The following EVL variants were observed in gnomAD, a reference collection of about 807,000 sequenced individuals.
EVL encodes ena/VASP-like protein.
EVL carries 21 observed loss-of-function variants against 59.6 expected under a neutral mutation model. The ratio of observed to expected loss-of-function variants is 0.35; its 90% confidence interval spans 0.25 to 0.51. EVL has a LOEUF of 0.51. Ranked by LOEUF, EVL falls within the 20% of genes least tolerant of loss-of-function variation. EVL has a pLI of 0.97. For synonymous variants in EVL, 198 were observed against 203.5 expected (o/e 0.97, Z 0.23); for missense variants, 462 against 546.6 (o/e 0.85, Z 1.54).
chr14:100,018,202 C>T (rs970634119), intron 1 of EVL, among the ~76,000 whole-genome samples: 1 of 152,218 alleles, frequency 6.6e-6, no homozygotes, highest in African/African-American at 2.4e-5. Context: ...GAGAGCAGTG[C>T]GCTGCCCTGT....
At chr14:99,982,106 G>C (rs1191019) in intron 1 of EVL, among the ~76,000 whole-genome samples, 25,545 of 152,110 alleles carry the variant, frequency 0.17, 2,864 homozygotes, top group African/African-American at 0.31. Context: ...AGACAATACA[G>C]ATAAGCATTG....
rs1888316047 is a variant in EVL, at chr14:100,129,770, T to C, written c.839+86T>C. ...CAGCGCTGCACAGAGAATCCTCTCT[T>C]GACCCCAGAATCTTTGTTCCCTGGG... On this transcript the variant is annotated intron_variant, in intron 7 of 13. Transcript: ENST00000392920. 4 of 1,430,828 alleles carry C rather than the reference T, an allele frequency of 2.8e-6. No individual in the cohort carries two copies. In the Admixed American group the frequency reaches 1.2e-4, roughly 42 times the overall value. 88.6% of individuals were successfully genotyped at this position (1,430,828 alleles called of 1,614,324 possible).
At chr14:99,990,100 CAG>C (rs952574539) in intron 1 of EVL, among the ~76,000 whole-genome samples, 10 of 152,312 alleles carry the variant, frequency 6.6e-5, no homozygotes, top group African/African-American at 2.4e-4. Context: ...ATAACATGGT[CAG>C]AGTCATCCAT....
intron 1 of EVL, among the ~76,000 whole-genome samples, chr14:100,001,333 A>G (rs1430625133): frequency 6.6e-6 from 1 of 152,230 alleles, no homozygotes; most frequent in Non-Finnish European, 1.5e-5. Flanking sequence ...GCCAGGAAAA[A>G]TTAGAATTCA....
intron 1 of EVL, chr14:100,019,516 C>CT (rs1214609657): frequency 3.2e-6 from 2 of 630,240 alleles, no homozygotes; most frequent in African/African-American, 3.8e-5. Flanking sequence ...AGGCCCCTGT[C>CT]TGCAGAAAGC....
intron 1 of EVL, among the ~76,000 whole-genome samples, chr14:100,076,237 T>C (rs1423414530): frequency 6.6e-6 from 1 of 152,242 alleles, no homozygotes; most frequent in Non-Finnish European, 1.5e-5. Flanking sequence ...GGTTGGGCTA[T>C]GTGATCAGAC....
chr14:100,017,199 AT>A (rs768989285), intron 1 of EVL, among the ~76,000 whole-genome samples: 9 of 152,118 alleles, frequency 5.9e-5, no homozygotes, highest in Non-Finnish European at 1.0e-4. Flanking sequence ...TGGTGCTGGG[AT>A]TTGATTTTTC....
intron 1 of EVL, among the ~76,000 whole-genome samples, chr14:100,070,482 C>T (rs1217865246): frequency 2.0e-5 from 3 of 152,186 alleles, no homozygotes; most frequent in Non-Finnish European, 4.4e-5. Context: ...GTTAATACCA[C>T]AAGAGACAAA....
intron 1 of EVL, among the ~76,000 whole-genome samples, chr14:99,986,724 CA>C (rs1483197520): frequency 2.0e-5 from 3 of 152,188 alleles, no homozygotes; most frequent in Non-Finnish European, 4.4e-5. Flanking sequence ...TAAGTACGTG[CA>C]ATTCAGCATG....
At chr14:100,010,611 G>T (rs200386559) in intron 1 of EVL, among the ~76,000 whole-genome samples, 1 of 152,110 alleles carries the variant, frequency 6.6e-6, no homozygotes, top group Non-Finnish European at 1.5e-5. Context: ...TGGCCAGGCT[G>T]GTCTCAAACT....
At chr14:100,039,480 AC>A (rs756973493) in intron 1 of EVL, among the ~76,000 whole-genome samples, 20 of 152,094 alleles carry the variant, frequency 1.3e-4, no homozygotes, top group Non-Finnish European at 1.8e-4. Context: ...CAAGTGATCC[AC>A]CCACCTCAGC....
intron 9 of EVL, 173 bp from the exon 10 acceptor site, chr14:100,137,404 TG>T: frequency 1.6e-6 from 1 of 642,768 alleles, no homozygotes. Context: ...ACCTAGGCCA[TG>T]GGGGACTGAG....
At chr14:100,050,910 T>C (rs1455250465) in intron 1 of EVL, among the ~76,000 whole-genome samples, 2 of 148,666 alleles carry the variant, frequency 1.3e-5, no homozygotes, top group East Asian at 2.0e-4. Context: ...GCCCAGCTAA[T>C]TAAAAAAAAA....
chr14:100,019,505 C>T (rs1025054899), intron 1 of EVL: 29 of 588,920 alleles, frequency 4.9e-5, no homozygotes, highest in Non-Finnish European at 8.0e-5. Flanking sequence ...CTGGAGGCTG[C>T]AGGCCCCTGT....
At chr14:100,096,056 G>C (rs943604044) in intron 2 of EVL, among the ~76,000 whole-genome samples, 1 of 152,032 alleles carries the variant, frequency 6.6e-6, no homozygotes, top group African/African-American at 2.4e-5. Context: ...CTGATTTAGT[G>C]TACTGTGTGT....
At chr14:99,980,424 C>T (rs1407206567) in intron 1 of EVL, among the ~76,000 whole-genome samples, 6 of 152,140 alleles carry the variant, frequency 3.9e-5, no homozygotes, top group Admixed American at 2.0e-4. Context: ...ACCTGCCTCC[C>T]CCGGGGCCAG....
chr14:100,107,673 A>G (rs1475019543), intron 3 of EVL: 1 of 153,702 alleles, frequency 6.5e-6, no homozygotes. Flanking sequence ...GTTTCTTCGC[A>G]TTTGGTTCTC....
intron 1 of EVL, among the ~76,000 whole-genome samples, chr14:99,985,041 G>A (rs934228456): frequency 3.3e-5 from 5 of 152,014 alleles, no homozygotes; most frequent in African/African-American, 9.7e-5. Flanking sequence ...ACGTTAAGTT[G>A]TTATATCTCT....
intron 1 of EVL, among the ~76,000 whole-genome samples, chr14:100,027,356 C>G (rs2061231506): frequency 6.6e-6 from 1 of 152,172 alleles, no homozygotes; most frequent in Non-Finnish European, 1.5e-5. Flanking sequence ...TTCCTTCTAT[C>G]AAACTGTATT....
Sources: gnomAD v4.1 joint callset for allele counts (sites outside exome capture counted in the v4.1 genomes callset) on GRCh38, gnomAD v4.1.1 for gene constraint, MANE v1.5 for transcripts, NCBI Gene and HGNC (gene_info 2026-07-23, HGNC 2026-07-21) for gene names.